The following VSIG10L variants were observed in gnomAD, a reference collection of about 807,000 sequenced individuals.
VSIG10L encodes V-set and immunoglobulin domain-containing protein 10-like.
In VSIG10L, 63 loss-of-function variants were observed where a neutral mutation model predicts 67.3. The ratio of observed to expected loss-of-function variants is 0.94; its 90% CI spans 0.76 to 1.15. The LOEUF (loss-of-function observed/expected upper bound fraction) is 1.15, where lower values mean the gene tolerates loss of function less well. VSIG10L is among the 50% of genes most tolerant of loss of function. The pLI, the probability that VSIG10L is intolerant of heterozygous loss-of-function variation, is 0.00. For missense variants in VSIG10L, 1,050 were observed against 1,177.5 expected (o/e 0.89, Z 1.58); for synonymous variants, 499 against 524.9 (o/e 0.95, Z 0.67).
intron 7 of VSIG10L, among the ~76,000 whole-genome samples, chr19:51,335,075 T>A (rs984119156): frequency 2.0e-5 from 3 of 152,136 alleles, no homozygotes; most frequent in Non-Finnish European, 4.4e-5. Context: ...CCAGAGACAG[T>A]CATACTAAAC....
At chr19:51,334,100 A>C in intron 8 of VSIG10L, 91 bp downstream of exon 8, 2 of 1,473,956 alleles carry the variant, frequency 1.4e-6, no homozygotes, top group Non-Finnish European at 9.3e-7. Flanking sequence ...CTATGACGGC[A>C]CTGATTGCCT....
intron 6 of VSIG10L, 135 bp downstream of exon 6, chr19:51,337,795 G>T: frequency 8.3e-7 from 1 of 1,203,850 alleles, no homozygotes; most frequent in Non-Finnish European, 1.1e-6. Flanking sequence ...GGACTCCAGG[G>T]TCTGAGGGAG....
At chr19:51,334,391 AC>A in intron 7 of VSIG10L, 87 bp from the exon 8 acceptor site, 5 of 1,215,906 alleles carry the variant, frequency 4.1e-6, no homozygotes, top group Admixed American at 2.3e-5. Context: ...TTGTGCTGGG[AC>A]CCAGGAGTCC....
chr19:51,338,646 T>C (rs1432675590), intron 5 of VSIG10L, among the ~76,000 whole-genome samples: 2 of 152,106 alleles, frequency 1.3e-5, no homozygotes, highest in East Asian at 3.9e-4. Flanking sequence ...CTGCTTTATC[T>C]CTCTGAACAC....
chr19:51,333,831 T>C lies in VSIG10L; in HGVS notation c.2534A>G (p.Lys845Arg). 4 of 1,551,460 alleles carry C rather than the reference T, an allele frequency of 2.6e-6. No individual in the cohort carries two copies. The highest frequency in any genetic ancestry group is 3.5e-6 in the Non-Finnish European group (4 of 1,146,932). ...PVEISWPLDLKVPLEDHSSTR... is the reference protein window; with the variant it reads ...PVEISWPLDLRVPLEDHSSTR... ...TGAGCTGTGGTCCTCCAGAGGGACT[T>C]TGAGGTCCAGAGGCCATGAAATCTC... The change falls in exon 9 of 10, where the codon AAA (lysine) becomes AGA (arginine). Residue 845 changes from lysine (K) to arginine (R), a missense_variant. Around this residue, in one of 3 missense-constraint regions of VSIG10L, gnomAD observed 529 missense variants for 584.9 expected, o/e 0.90. Coordinates refer to ENST00000335624, the MANE Select transcript of VSIG10L (RefSeq NM_001163922.3).
intron 4 of VSIG10L, 66 bp downstream of exon 4, chr19:51,339,948 AG>A: frequency 8.1e-7 from 1 of 1,231,014 alleles, no homozygotes; most frequent in Non-Finnish European, 1.0e-6. Flanking sequence ...CCTTTCCTCT[AG>A]CCCCGCCCTC....
rs1489565365 is a variant in VSIG10L at position 51,331,950 on chromosome 19, A to G, written c.*661T>C. ...CTCTTAGACTTGAGAAATGAATGAC[A>G]TATGGGAAAAAGAAGTGTTATAAGC... On this transcript the variant is annotated 3_prime_UTR_variant, in exon 10 of 10. Coordinates refer to ENST00000335624, the MANE Select transcript of VSIG10L (RefSeq NM_001163922.3). 6.6e-6 allele frequency: 1 copy of G among 152,650 alleles called. No homozygotes were observed. The highest frequency in any genetic ancestry group is 1.5e-5 in the Non-Finnish European group (1 of 68,388). 9.5% of individuals were successfully genotyped at this position (152,650 alleles called of 1,614,324 possible). A position where few individuals can be genotyped will look rare whatever the true frequency, so the allele number is the denominator to read the frequency against.
rs1206885627 is a variant in VSIG10L at position 51,341,567 on chromosome 19, A to C, written c.481T>G (p.Ser161Ala). ...HTKLSVEAPD[S>A]KFSPDDMDLK... ...TCCATATCATCCGGGGAGAATTTTGAATCTGGGGCCTCAACAGACAGTTTG... is the reference window on the plus strand; with the variant it reads ...TCCATATCATCCGGGGAGAATTTTGCATCTGGGGCCTCAACAGACAGTTTG... The change falls in exon 2 of 10, where the codon TCA becomes GCA. Residue 161 changes from serine (S) to alanine (A), a missense_variant. Coordinates refer to ENST00000335624, the MANE Select transcript of VSIG10L (RefSeq NM_001163922.3). 9 of 1,551,560 alleles carry C rather than the reference A, an allele frequency of 5.8e-6. No homozygotes were observed. The East Asian group carries it at 2.2e-4, about 38-fold the overall frequency.
intron 7 of VSIG10L, 133 bp downstream of exon 7, chr19:51,337,105 G>C: frequency 6.8e-6 from 8 of 1,184,630 alleles, no homozygotes; most frequent in Non-Finnish European, 9.2e-6. Context: ...AGACCTGTGA[G>C]AGAAGAAATT....
chr19:51,341,684 TATC>T lies in VSIG10L; in HGVS notation c.361_363del (p.Asp121del). 6.4e-7 allele frequency: 1 copy of T among 1,551,538 alleles called. No homozygotes were observed. The highest frequency in any genetic ancestry group is 2.4e-5 in the East Asian group (1 of 40,904). On this transcript the variant is annotated inframe_deletion, in exon 2 of 10. Coordinates refer to ENST00000335624, the MANE Select transcript of VSIG10L (RefSeq NM_001163922.3). Reference sequence around the variant, plus strand: ...TTGGCAGGAACTTGAGGATCCGAAATATCAGGAAATACTTCAGAACCAGGGGTT... The same window carrying T: ...TTGGCAGGAACTTGAGGATCCGAAATAGGAAATACTTCAGAACCAGGGGTT...
intron 7 of VSIG10L, among the ~76,000 whole-genome samples, chr19:51,336,763 ATTTTT>A (rs942291893): frequency 2.1e-5 from 2 of 97,066 alleles, no homozygotes; most frequent in South Asian, 4.1e-4. Context: ...CGACACCTTG[ATTTTT>A]TTTTTTTTTT....
At chr19:51,336,214 T>C (rs1031877248) in intron 7 of VSIG10L, among the ~76,000 whole-genome samples, 3 of 152,110 alleles carry the variant, frequency 2.0e-5, no homozygotes, top group Admixed American at 6.5e-5. Flanking sequence ...CCAAGTCAAT[T>C]TGAGGTATTA....
chr19:51,339,890 G>T, intron 4 of VSIG10L, 125 bp downstream of exon 4: 8 of 988,156 alleles, frequency 8.1e-6, no homozygotes, highest in Non-Finnish European at 7.6e-6. Context: ...CCCTCCCGCT[G>T]GCCCTGCCCC....
rs551049143 is a variant in VSIG10L, at chr19:51,334,486, G to A, written c.2306-182C>T. Among the ~76,000 whole-genome samples the A allele has an allele frequency of 3.4e-3, 521 of 152,320 alleles. 4 individuals carry two copies. The highest frequency in any genetic ancestry group is 0.012 in the African/African-American group (504 of 41,568). On this transcript the variant is annotated intron_variant, in intron 7 of 9. Transcript: ENST00000335624. ...CTCATTTAACAGTTACTGAGTGACCGTGGTGTGCCTGGCTCTCAGACAGGT... is the reference window on the plus strand; with the variant it reads ...CTCATTTAACAGTTACTGAGTGACCATGGTGTGCCTGGCTCTCAGACAGGT...
In VSIG10L at chr19:51,331,648, A is replaced by C. The variant is rs1985362935; in HGVS notation, c.*963T>G. 6.6e-6 allele frequency: 1 copy of C among 152,238 alleles called. No homozygotes were observed. Among genetic ancestry groups the C allele is most frequent in the African/African-American group, 2.4e-5 (1 of 41,466 alleles). 9.4% of individuals were successfully genotyped at this position (152,238 alleles called of 1,614,324 possible). A position where few individuals can be genotyped will look rare whatever the true frequency, so the allele number is the denominator to read the frequency against. On this transcript the variant is annotated 3_prime_UTR_variant, in exon 10 of 10. Coordinates refer to ENST00000335624, the MANE Select transcript of VSIG10L (RefSeq NM_001163922.3). ...GCTGAAAAAGCAAGACTTACGCTGA[A>C]GACAGCAGCAGCAAGCCCAACTCTT...
In VSIG10L at chr19:51,334,073, A is replaced by C. The variant is rs1985420891; in HGVS notation, c.2419+118T>G. The C allele has an allele frequency of 2.0e-5, 30 of 1,471,760 alleles. No individual in the cohort carries two copies. In the South Asian group the frequency reaches 2.7e-4, roughly 13 times the overall value. 91.2% of individuals were successfully genotyped at this position (1,471,760 alleles called of 1,614,324 possible). ...GCTGATTGGCTGATTTGGAGGTAGG[A>C]GGGCAGGATGGATGACCTATGACGG... On this transcript the variant is annotated intron_variant, in intron 8 of 9. Transcript: ENST00000335624.
rs988733021 is a variant in VSIG10L at position 51,339,133 on chromosome 19, G to A, written c.1484C>T (p.Pro495Leu). ...LLNLTVADLP[P>L]GAPQCSVEGG... ...TTCAACTGAGCACTGTGGGGCCCCG[G>A]GGGGCAGGTCTGCGGAGAGAAGGGA... Residue 495 changes from proline to leucine, a missense_variant, in exon 5 of 10, where the codon CCC becomes CTC. Transcript: ENST00000335624. 13 of 1,306,082 alleles carry A rather than the reference G, an allele frequency of 1.0e-5. No individual in the cohort carries two copies. In the Admixed American group the frequency reaches 2.4e-4, roughly 25 times the overall value. 80.9% of individuals were successfully genotyped at this position (1,306,082 alleles called of 1,614,324 possible). A position where few individuals can be genotyped will look rare whatever the true frequency, so the allele number is the denominator to read the frequency against.
At chr19:51,333,707 T>TA in intron 9 of VSIG10L, 84 bp downstream of exon 9, 2 of 1,408,252 alleles carry the variant, frequency 1.4e-6, no homozygotes, top group Non-Finnish European at 1.9e-6. Context: ...TGGAGTTAGA[T>TA]AATTGAGACC....
chr19:51,333,666 GT>G, intron 9 of VSIG10L, 124 bp downstream of exon 9: 1 of 1,201,488 alleles, frequency 8.3e-7, no homozygotes, highest in African/African-American at 1.6e-5. Flanking sequence ...AAAGGATAAA[GT>G]TATACAGACT....
Sources: allele counts gnomAD v4.1 joint callset (sites outside exome capture counted in the v4.1 genomes callset), GRCh38; gene constraint gnomAD v4.1.1; regional missense constraint gnomAD v4.1.1; transcripts MANE v1.5; gene names NCBI Gene and HGNC (gene_info 2026-07-23, HGNC 2026-07-21).